The following MCM10 variants were observed in gnomAD, a reference collection of about 807,000 sequenced individuals.
MCM10 encodes minichromosome maintenance 10 replication initiation factor, also known as protein MCM10 homolog.
MCM10 carries 91 observed loss-of-function variants against 109.9 expected under a neutral mutation model. The observed-to-expected ratio is 0.83, with a 90% CI of 0.70 to 0.99. The LOEUF is 0.99. MCM10 is among the 50% of genes least tolerant of loss of function. MCM10 has a pLI of 0.00. For missense variants in MCM10, 1,077 were observed against 1,061.2 expected (o/e 1.01, Z -0.21); for synonymous variants, 380 against 387.2 (o/e 0.98, Z 0.22).
chr10:13,171,091 T>A lies in MCM10; in HGVS notation c.177T>A (p.Ala59=). 1 of 1,614,182 alleles carries A rather than the reference T, an allele frequency of 6.2e-7. No individual in the cohort carries two copies. The highest frequency in any genetic ancestry group is 8.5e-7 in the Non-Finnish European group (1 of 1,180,040). The change falls in exon 3 of 20, where the codon GCT becomes GCA. Residue 59 remains alanine, a synonymous_variant. Transcript: ENST00000378714. ...DGDGESYTEE[A]DDGETGETRD... ...ACGGTGAATCTTATACAGAAGAGGC[T>A]GATGATGGAGAAACAGGAGAGACAA...
At chr10:13,181,521 G>A (rs969822610) in intron 7 of MCM10, among the ~76,000 whole-genome samples, 1 of 152,142 alleles carries the variant, frequency 6.6e-6, no homozygotes, top group African/African-American at 2.4e-5. Flanking sequence ...ACTGGGGCCT[G>A]TTGGTGGAGG....
intron 18 of MCM10, among the ~76,000 whole-genome samples, chr10:13,204,700 A>G (rs1834547509): frequency 6.6e-6 from 1 of 152,074 alleles, no homozygotes; most frequent in African/African-American, 2.4e-5. Flanking sequence ...TCCTCTCTCC[A>G]AAGAGTTATT....
Position 13,166,653 on chromosome 10 carries a change from CATACATACATAT to C in MCM10, c.7+2448_7+2459del, listed in dbSNP as rs1158154050. ...TCTGTCTCAAAAAAAAAAAAAAATA[CATACATACATAT>C]ATATATATATATATATATATATATC... is the stretch of plus-strand genomic sequence containing the variant. On this transcript the variant is annotated intron_variant, in intron 2 of 19. Coordinates refer to ENST00000378714, the MANE Select transcript of MCM10 (RefSeq NM_018518.5). Among the ~76,000 whole-genome samples the C allele has an allele frequency of 6.0e-3, 273 of 45,526 alleles. 8 individuals are homozygous for C. The highest frequency in any genetic ancestry group is 0.02 in the African/African-American group (255 of 12,516). 29.9% of individuals were successfully genotyped at this position (45,526 alleles called of 152,430 possible). A position where few individuals can be genotyped will look rare whatever the true frequency, so the allele number is the denominator to read the frequency against.
rs1834222825 is a variant in MCM10, at chr10:13,182,631, G to A, written c.931-302G>A. Among the ~76,000 whole-genome samples the A allele has an allele frequency of 6.6e-6, 1 of 151,996 alleles. No homozygotes were observed. Among genetic ancestry groups the A allele is most frequent in the African/African-American group, 2.4e-5 (1 of 41,360 alleles). Reference sequence around the variant, plus strand: ...GTGTGTGTCTCTGTGTCATTAGAAAGGCAGTGCTATCCCACTCCCTCTGCT... The same window carrying A: ...GTGTGTGTCTCTGTGTCATTAGAAAAGCAGTGCTATCCCACTCCCTCTGCT... On this transcript the variant is annotated intron_variant, in intron 7 of 19. Coordinates refer to ENST00000378714, the MANE Select transcript of MCM10 (RefSeq NM_018518.5). The surrounding 1 kb of genome is among the most constrained non-coding windows in gnomAD (Gnocchi z 4.2).
At chr10:13,179,410 C>T (rs1245135915) in intron 6 of MCM10, among the ~76,000 whole-genome samples, 3 of 152,188 alleles carry the variant, frequency 2.0e-5, no homozygotes, top group Non-Finnish European at 2.9e-5. Flanking sequence ...AACTTGGGGT[C>T]GGGGGGAGCC....
chr10:13,172,713 T>C lies in MCM10; in HGVS notation c.540T>C (p.Pro180=), dbSNP rs749933594. The C allele has an allele frequency of 3.1e-6, 5 of 1,614,180 alleles. No homozygotes were observed. The highest frequency in any genetic ancestry group is 4.2e-6 in the Non-Finnish European group (5 of 1,180,026). ...GCTTTTCTGCGGAGCTTGATGTCCCTGCGCTACCAAGAACCAAGAGGGTGG... is the reference window on the plus strand; with the variant it reads ...GCTTTTCTGCGGAGCTTGATGTCCCCGCGCTACCAAGAACCAAGAGGGTGG... ...STCFSAELDV[P]ALPRTKRVAR... is the part of the protein sequence containing the mutation. The change falls in exon 5 of 20, where the codon CCT becomes CCC. Residue 180 remains proline, a synonymous_variant. Coordinates refer to ENST00000378714, the MANE Select transcript of MCM10 (RefSeq NM_018518.5). This position sits in a 1 kb window ranked among gnomAD's most constrained non-coding sequence, Gnocchi z 5.2.
At position 13,209,558 on chromosome 10, in the gene MCM10, CT is replaced by C; in HGVS notation, c.*250del. ...AAGCTCAGTGTGGATGATTGCATTA[CT>C]TCATTCACTGAAGTTTTTGCCCAAA... On this transcript the variant is annotated 3_prime_UTR_variant, in exon 20 of 20. Coordinates refer to ENST00000378714, the MANE Select transcript of MCM10 (RefSeq NM_018518.5). 1.9e-6 allele frequency: 1 copy of C among 527,366 alleles called. No homozygotes were observed. The highest frequency in any genetic ancestry group is 3.4e-6 in the Non-Finnish European group (1 of 296,876). The allele number at this position is 527,366 out of a possible 1,614,324, so 32.7% of individuals were successfully genotyped here.
Position 13,191,404 on chromosome 10 carries a change from CT to C in MCM10, c.1516+8del, listed in dbSNP as rs1200899508. 1 of 1,610,976 alleles carries C rather than the reference CT, an allele frequency of 6.2e-7. No individual in the cohort carries two copies. The highest frequency in any genetic ancestry group is 8.5e-7 in the Non-Finnish European group (1 of 1,177,334). On this transcript the variant is annotated splice_donor_region_variant and intron_variant, in intron 11 of 19. Transcript: ENST00000378714. Reference sequence around the variant, plus strand: ...AGGAAACACGGCAAAAACTCGGTAACTTTGTTTTTCCATAAGAAATTTCTTT... The same window carrying C: ...AGGAAACACGGCAAAAACTCGGTAACTTGTTTTTCCATAAGAAATTTCTTT...
chr10:13,194,950 G>A, intron 13 of MCM10, 91 bp from the exon 14 acceptor site: 1 of 1,152,772 alleles, frequency 8.7e-7, no homozygotes. Context: ...CCAACTGGTG[G>A]CCTGCCTGCC....
At chr10:13,175,394 C>T (rs1834127622) in intron 5 of MCM10, 116 bp from the exon 6 acceptor site, 1 of 796,306 alleles carries the variant, frequency 1.3e-6, no homozygotes, top group Non-Finnish European at 2.1e-6. Context: ...GCACTCCTGC[C>T]TGGGTGACAC....
At chr10:13,181,043 T>G (rs1247171274) in intron 7 of MCM10, among the ~76,000 whole-genome samples, 1 of 152,314 alleles carries the variant, frequency 6.6e-6, no homozygotes. Context: ...TATATTTAAT[T>G]TGATGGTTAT....
In MCM10 at chr10:13,188,910, C is replaced by T; in HGVS notation, c.1245C>T (p.Val415=). 2 of 1,614,166 alleles carry T rather than the reference C, an allele frequency of 1.2e-6. No homozygotes were observed. The highest frequency in any genetic ancestry group is 1.7e-6 in the Non-Finnish European group (2 of 1,180,010). ...LRDCEYCQYH[V]QAQYKKLSAK... ...ACTGTGAGTACTGTCAGTACCATGT[C>T]CAGGCTCAGTACAAGAAGCTCAGCG... Residue 415 remains valine, a synonymous_variant, in exon 10 of 20, where the codon GTC becomes GTT. Coordinates refer to ENST00000378714, the MANE Select transcript of MCM10 (RefSeq NM_018518.5).
intron 5 of MCM10, among the ~76,000 whole-genome samples, chr10:13,173,518 G>C (rs1834102841): frequency 6.6e-6 from 1 of 152,162 alleles, no homozygotes; most frequent in Admixed American, 6.5e-5. Context: ...AAGGCTTTCT[G>C]CCCTATGTAT....
At position 13,186,279 on chromosome 10, in the gene MCM10, T is replaced by G. The variant is rs1197784556; in HGVS notation, c.1214T>G (p.Leu405Trp). ...GAGCCGTGCACGCAGACTGTGAATT[T>G]GGTTGGTTTCAGCCTTGTTAGGATG... ...NGEPCTQTVN[L>W]RDCEYCQYHV... The change falls in exon 9 of 20, where the codon TTG (leucine) becomes TGG (tryptophan). Residue 405 changes from leucine to tryptophan, a missense_variant and splice_region_variant. Leu to Trp is a moderately conservative substitution (Grantham distance 61). Transcript: ENST00000378714. 3 of 1,604,934 alleles carry G rather than the reference T, an allele frequency of 1.9e-6. No homozygotes were observed. Among genetic ancestry groups the G allele is most frequent in the Non-Finnish European group, 2.6e-6 (3 of 1,172,446 alleles).
At chr10:13,205,287 CTTTCTG>C (rs1834565008) in intron 18 of MCM10, among the ~76,000 whole-genome samples, 1 of 151,994 alleles carries the variant, frequency 6.6e-6, no homozygotes, top group Non-Finnish European at 1.5e-5. Flanking sequence ...CAGTATTTGG[CTTTCTG>C]TTTCTGAGTT....
chr10:13,186,309 C>A, intron 9 of MCM10, 29 bp downstream of exon 9: 1 of 1,449,926 alleles, frequency 6.9e-7, no homozygotes, highest in South Asian at 1.1e-5. Flanking sequence ...AGGATGGTTT[C>A]TGCTAAAGAA....
rs1435090602 is a variant in MCM10, at chr10:13,171,074, T to C, written c.160T>C (p.Ser54Pro). The change falls in exon 3 of 20, where the codon TCT becomes CCT. Residue 54 changes from serine (S) to proline (P), a missense_variant. By Grantham distance (74) the Ser-to-Pro change is moderately conservative. Transcript: ENST00000378714. ...ELFDADGDGE[S>P]YTEEADDGET... ...CTTTGATGCCGACGGCGACGGTGAA[T>C]CTTATACAGAAGAGGCTGATGATGG... 1.2e-6 allele frequency: 2 copies of C among 1,614,008 alleles called. No homozygotes were observed. The highest frequency in any genetic ancestry group is 2.7e-5 in the African/African-American group (2 of 74,880).
At chr10:13,205,457 G>A (rs570174854) in intron 18 of MCM10, among the ~76,000 whole-genome samples, 5 of 152,152 alleles carry the variant, frequency 3.3e-5, no homozygotes, top group East Asian at 1.9e-4. Context: ...TTGATTCCAC[G>A]TCTTTGCTAT....
intron 5 of MCM10, among the ~76,000 whole-genome samples, chr10:13,175,279 A>C (rs1834125921): frequency 6.6e-6 from 1 of 152,054 alleles, no homozygotes; most frequent in Admixed American, 6.6e-5. Flanking sequence ...CAAAAAATAC[A>C]AAAATTAGCC....
Sources: gnomAD v4.1 joint callset for allele counts (sites outside exome capture counted in the v4.1 genomes callset) on GRCh38, gnomAD v4.1.1 for gene constraint, Gnocchi (gnomAD v3.1) non-coding constraint, MANE v1.5 for transcripts, NCBI Gene and HGNC (gene_info 2026-07-23, HGNC 2026-07-21) for gene names.